Variants in TAFA2 observed in about 807,000 individuals in gnomAD.
The protein encoded by TAFA2 is chemokine-like protein TAFA-2.
TAFA2 carries 7 observed loss-of-function variants against 18.8 expected under a neutral mutation model. That is an observed-to-expected ratio of 0.37 (90% confidence interval 0.21 to 0.70). The LOEUF (loss-of-function observed/expected upper bound fraction) is 0.70, where lower values mean the gene tolerates loss of function less well. TAFA2 is among the 30% of genes least tolerant of loss of function. The pLI is 0.53. For synonymous variants in TAFA2, 60 were observed against 54.2 expected, an observed-to-expected ratio of 1.11 and a Z score of -0.47; for missense variants, 122 against 158.1, an observed-to-expected ratio of 0.77 and a Z score of 1.23.
intron 1 of TAFA2, among the ~76,000 whole-genome samples, chr12:61,972,693 G>T (rs1337603606): frequency 6.6e-6 from 1 of 151,612 alleles, no homozygotes; most frequent in Non-Finnish European, 1.5e-5. Context: ...CAAATAACTT[G>T]TACCTATGAA....
At chr12:61,928,572 G>A (rs567528178) in intron 1 of TAFA2, among the ~76,000 whole-genome samples, 4 of 152,272 alleles carry the variant, frequency 2.6e-5, no homozygotes, top group Non-Finnish European at 4.4e-5. Flanking sequence ...TTGTGGGAAC[G>A]TAAATTAGTT....
intron 2 of TAFA2, among the ~76,000 whole-genome samples, chr12:61,775,651 C>T (rs1459761201): frequency 6.6e-6 from 1 of 151,718 alleles, no homozygotes; most frequent in Non-Finnish European, 1.5e-5. Flanking sequence ...GATGAATAAG[C>T]AGAACACAGG....
chr12:61,927,778 A>T (rs1439373574), intron 1 of TAFA2, among the ~76,000 whole-genome samples: 2 of 152,224 alleles, frequency 1.3e-5, no homozygotes, highest in African/African-American at 4.8e-5. Context: ...AGGCTACAGT[A>T]ACCAAAACAG....
chr12:62,168,934 C>G (rs1298636867), intron 1 of TAFA2, among the ~76,000 whole-genome samples: 1 of 133,358 alleles, frequency 7.5e-6, no homozygotes, highest in Non-Finnish European at 1.6e-5. Flanking sequence ...CTCTCATTCT[C>G]ACTCACTCTC....
chr12:61,755,144 G>T, intron 2 of TAFA2, 120 bp from the exon 3 acceptor site: 1 of 820,576 alleles, frequency 1.2e-6, no homozygotes, highest in East Asian at 2.7e-5. Context: ...GGCATGAAAC[G>T]AGAAATACAA....
intron 2 of TAFA2, among the ~76,000 whole-genome samples, chr12:61,775,434 TAC>T (rs1305345151): frequency 2.0e-5 from 3 of 151,724 alleles, no homozygotes; most frequent in Non-Finnish European, 4.4e-5. Context: ...TAAACTGTGG[TAC>T]ATACAGACAA....
intron 1 of TAFA2, among the ~76,000 whole-genome samples, chr12:62,200,223 T>C (rs953296580): frequency 6.6e-6 from 1 of 152,240 alleles, no homozygotes; most frequent in Non-Finnish European, 1.5e-5. Context: ...ACTCTGATGA[T>C]AGTTTCTTTT....
chr12:61,750,104 CCT>C (rs1338191739), intron 4 of TAFA2, among the ~76,000 whole-genome samples: 1 of 151,896 alleles, frequency 6.6e-6, no homozygotes, highest in Non-Finnish European at 1.5e-5. Context: ...ATCTTTCCCC[CCT>C]GTTACTTTTG....
chr12:61,954,513 C>G (rs1878583755), intron 1 of TAFA2, among the ~76,000 whole-genome samples: 1 of 151,892 alleles, frequency 6.6e-6, no homozygotes, highest in South Asian at 2.1e-4. Flanking sequence ...ATTTTTCTTA[C>G]CTGTGTAGTT....
At chr12:61,844,858 G>C (rs1873337197) in intron 2 of TAFA2, among the ~76,000 whole-genome samples, 1 of 152,038 alleles carries the variant, frequency 6.6e-6, no homozygotes, top group Admixed American at 6.6e-5. Context: ...ACACTCATCT[G>C]GCAGTATCAC....
intron 1 of TAFA2, among the ~76,000 whole-genome samples, chr12:61,910,100 TTGTGTGTGTGTGTG>T (rs71083963): frequency 1.2e-4 from 17 of 144,904 alleles, no homozygotes; most frequent in South Asian, 2.2e-4. Flanking sequence ...GTGTGTGTGT[TTGTGTGTGTGTGTG>T]TGTGTGTGTG....
chr12:61,747,748 G>A (rs1181791499), intron 4 of TAFA2, among the ~76,000 whole-genome samples: 4 of 149,836 alleles, frequency 2.7e-5, no homozygotes, highest in African/African-American at 7.4e-5. Context: ...ATAGCACTGG[G>A]AGATATACCT....
At chr12:61,917,485 G>A (rs566213346) in intron 1 of TAFA2, among the ~76,000 whole-genome samples, 1 of 152,122 alleles carries the variant, frequency 6.6e-6, no homozygotes, top group East Asian at 1.9e-4. Context: ...ACATTCCATT[G>A]ATTAGTTACA....
At chr12:61,874,871 T>C (rs1874774880) in intron 1 of TAFA2, among the ~76,000 whole-genome samples, 1 of 151,988 alleles carries the variant, frequency 6.6e-6, no homozygotes, top group Non-Finnish European at 1.5e-5. Context: ...CTCCTTTCTG[T>C]CTATAAAATG....
chr12:62,076,963 G>A (rs137941227), intron 1 of TAFA2, among the ~76,000 whole-genome samples: 130 of 152,220 alleles, frequency 8.5e-4, no homozygotes, highest in African/African-American at 3.1e-3. Flanking sequence ...AAGAAATGAA[G>A]CCTCGATGAG....
At chr12:61,772,428 A>G (rs1870073077) in intron 2 of TAFA2, among the ~76,000 whole-genome samples, 1 of 152,002 alleles carries the variant, frequency 6.6e-6, no homozygotes, top group Non-Finnish European at 1.5e-5. Context: ...ATAACTAAAA[A>G]AGAAAACTAC....
intron 2 of TAFA2, among the ~76,000 whole-genome samples, chr12:61,841,523 A>G (rs1873180514): frequency 6.6e-6 from 1 of 152,118 alleles, no homozygotes; most frequent in African/African-American, 2.4e-5. Context: ...TTATGCCAAT[A>G]CCATGCTGTT....
intron 2 of TAFA2, among the ~76,000 whole-genome samples, chr12:61,852,010 C>T (rs180889009): frequency 1.1e-4 from 16 of 151,654 alleles, no homozygotes; most frequent in African/African-American, 3.9e-4. Context: ...GAGTTCGAGA[C>T]CAGCCTGACC....
intron 2 of TAFA2, among the ~76,000 whole-genome samples, chr12:61,810,776 C>A (rs1290765004): frequency 6.6e-6 from 1 of 150,984 alleles, no homozygotes; most frequent in African/African-American, 2.5e-5. Flanking sequence ...GCTGTACAAT[C>A]CTCAGTGATC....
Sources: gnomAD v4.1 joint callset for allele counts (sites outside exome capture counted in the v4.1 genomes callset) on GRCh38, gnomAD v4.1.1 for gene constraint, MANE v1.5 for transcripts, NCBI Gene and HGNC (gene_info 2026-07-23, HGNC 2026-07-21) for gene names.